CREB5: variants seen among roughly 807,000 people sequenced by gnomAD.
CREB5 encodes the protein cAMP responsive element binding protein 5, also known as cyclic AMP-responsive element-binding protein 5.
In CREB5, 19 loss-of-function variants were observed where a neutral mutation model predicts 57.1. That is an observed-to-expected ratio of 0.33 (90% CI 0.23 to 0.49). The LOEUF is 0.49. Among genes scored for constraint, CREB5 ranks in the 20% least tolerant of loss-of-function variants. The probability of loss-of-function intolerance (pLI) is 0.99; values close to 1 mark genes in which losing one functional copy is unlikely to be tolerated. For missense variants in CREB5, 579 were observed against 671.6 expected, an observed-to-expected ratio of 0.86 and a Z score of 1.52; for synonymous variants, 238 against 238.3, an observed-to-expected ratio of 1.00 and a Z score of 0.01.
chr7:28,442,918 A>G (rs147363434), intron 1 of CREB5, among the ~76,000 whole-genome samples: 2 of 152,344 alleles, frequency 1.3e-5, no homozygotes, highest in African/African-American at 2.4e-5. Flanking sequence ...ATATACAGAC[A>G]TTCAAAGATC....
At chr7:28,732,605 G>A (rs1011230779) in intron 7 of CREB5, among the ~76,000 whole-genome samples, 1 of 152,152 alleles carries the variant, frequency 6.6e-6, no homozygotes, top group South Asian at 2.1e-4. Flanking sequence ...CTGCTTTGCA[G>A]AGATATATTT....
intron 7 of CREB5, among the ~76,000 whole-genome samples, chr7:28,740,839 C>T (rs1804286450): frequency 6.6e-6 from 1 of 151,902 alleles, no homozygotes; most frequent in Admixed American, 6.6e-5. Flanking sequence ...TTATTTTTTT[C>T]ATTGTTACTT....
At chr7:28,733,986 C>T (rs1007963039) in intron 7 of CREB5, among the ~76,000 whole-genome samples, 20 of 152,002 alleles carry the variant, frequency 1.3e-4, no homozygotes, top group Admixed American at 2.0e-4. Context: ...GGGATAGAGA[C>T]ACTGAACAGG....
intron 1 of CREB5, among the ~76,000 whole-genome samples, chr7:28,397,921 T>C (rs1033861905): frequency 2.0e-5 from 3 of 152,224 alleles, no homozygotes; most frequent in African/African-American, 7.2e-5. Context: ...TTCTTTTTTT[T>C]CATCATTTTT....
chr7:28,487,960 C>T (rs1010442566), intron 1 of CREB5, among the ~76,000 whole-genome samples: 3 of 152,124 alleles, frequency 2.0e-5, no homozygotes, highest in African/African-American at 4.8e-5. Context: ...AGTATGCACT[C>T]GAGTAAAGGA....
chr7:28,711,037 G>A (rs374423053), intron 5 of CREB5, among the ~76,000 whole-genome samples: 2 of 152,180 alleles, frequency 1.3e-5, no homozygotes, highest in Non-Finnish European at 2.9e-5. Context: ...ACTATGGCAG[G>A]TATACCAGGC....
intron 1 of CREB5, among the ~76,000 whole-genome samples, chr7:28,403,747 G>A (rs1787522903): frequency 6.6e-6 from 1 of 152,114 alleles, no homozygotes; most frequent in South Asian, 2.1e-4. Context: ...TGAATCCAGT[G>A]CTAACTGAAA....
chr7:28,447,917 C>T (rs2128565648), intron 1 of CREB5, among the ~76,000 whole-genome samples: 1 of 152,254 alleles, frequency 6.6e-6, no homozygotes, highest in African/African-American at 2.4e-5. Flanking sequence ...AGTGAGAGGA[C>T]TTTTTGGGAG....
At chr7:28,712,243 T>C (rs1346857295) in intron 5 of CREB5, among the ~76,000 whole-genome samples, 1 of 152,062 alleles carries the variant, frequency 6.6e-6, no homozygotes, top group African/African-American at 2.4e-5. Context: ...TTTATGAAAA[T>C]AGACCTGAAA....
chr7:28,671,996 G>A (rs1447676354), intron 5 of CREB5, among the ~76,000 whole-genome samples: 1 of 151,888 alleles, frequency 6.6e-6, no homozygotes, highest in Non-Finnish European at 1.5e-5. Context: ...TGCACTTAAT[G>A]CCTGTGAGCT....
intron 1 of CREB5, among the ~76,000 whole-genome samples, chr7:28,388,890 C>A (rs1020381133): frequency 4.6e-5 from 7 of 152,192 alleles, no homozygotes; most frequent in African/African-American, 1.7e-4. Flanking sequence ...GTCACAAGGT[C>A]ATTTGATATA....
intron 5 of CREB5, among the ~76,000 whole-genome samples, chr7:28,596,223 A>T (rs931580023): frequency 1.3e-5 from 2 of 152,224 alleles, no homozygotes; most frequent in African/African-American, 4.8e-5. Context: ...GTACTCTCCC[A>T]AATCACTTTT....
intron 1 of CREB5, among the ~76,000 whole-genome samples, chr7:28,316,687 G>A (rs988063784): frequency 1.3e-5 from 2 of 152,092 alleles, no homozygotes; most frequent in East Asian, 3.9e-4. Flanking sequence ...TTTTCTTAGT[G>A]TATAACTGGC....
intron 1 of CREB5, among the ~76,000 whole-genome samples, chr7:28,360,761 G>A (rs373204304): frequency 1.3e-5 from 2 of 152,144 alleles, no homozygotes; most frequent in Non-Finnish European, 2.9e-5. Context: ...AATAGAAAGT[G>A]CCTTATAAAA....
chr7:28,447,376 C>A (rs544970642), intron 1 of CREB5, among the ~76,000 whole-genome samples: 7 of 152,230 alleles, frequency 4.6e-5, no homozygotes, highest in African/African-American at 1.4e-4. Context: ...GAGTTTAACT[C>A]TGAAAGTTCC....
intron 4 of CREB5, among the ~76,000 whole-genome samples, chr7:28,560,931 T>TGTGTGTGCGTGC (rs1795192007): frequency 4.1e-5 from 2 of 48,532 alleles, no homozygotes; most frequent in East Asian, 5.5e-4. Flanking sequence ...TGCGCGTGCG[T>TGTGTGTGCGTGC]GTGTGCGTGC....
intron 4 of CREB5, among the ~76,000 whole-genome samples, chr7:28,554,359 T>C (rs1374237654): frequency 2.0e-5 from 3 of 152,134 alleles, no homozygotes; most frequent in Non-Finnish European, 4.4e-5. Context: ...TACTGACAAG[T>C]TTCATTAAAG....
intron 1 of CREB5, among the ~76,000 whole-genome samples, chr7:28,375,375 G>C (rs1786803046): frequency 6.6e-6 from 1 of 152,102 alleles, no homozygotes; most frequent in Admixed American, 6.5e-5. Flanking sequence ...AGTGGTAGTG[G>C]GGGTTGGGGG....
At chr7:28,408,093 A>G (rs544400569), upstream of CREB5, among the ~76,000 whole-genome samples, 2 of 152,322 alleles carry the variant, frequency 1.3e-5, no homozygotes, top group East Asian at 3.9e-4. Context: ...GAAGGAGCCC[A>G]GTTGGGATCT....
Sources: allele counts gnomAD v4.1 joint callset (sites outside exome capture counted in the v4.1 genomes callset), GRCh38; gene constraint gnomAD v4.1.1; transcripts MANE v1.5; gene names NCBI Gene and HGNC (gene_info 2026-07-23, HGNC 2026-07-21).